The following TTC7B variants were observed in gnomAD, a reference collection of about 807,000 sequenced individuals.
TTC7B encodes tetratricopeptide repeat protein 7B.
Under a neutral mutation model 106.8 loss-of-function variants are expected in TTC7B, and 28 were observed. That is an observed-to-expected ratio of 0.26 (90% CI 0.19 to 0.36). The LOEUF is 0.36. Among genes scored for constraint, TTC7B ranks in the 10% least tolerant of loss-of-function variants. The probability of loss-of-function intolerance (pLI) is 1.00; values close to 1 mark genes in which losing one functional copy is unlikely to be tolerated. For missense variants in TTC7B, 862 were observed against 1,076.4 expected (o/e 0.80, Z 2.79); for synonymous variants, 405 against 430.6 (o/e 0.94, Z 0.74).
chr14:90,710,235 C>T (rs1621872), intron 5 of TTC7B, among the ~76,000 whole-genome samples: 44,029 of 151,990 alleles, frequency 0.29, 6,579 homozygotes, highest in Middle Eastern at 0.38. Flanking sequence ...GAAGTAACTG[C>T]AGGCATGGTG....
intron 18 of TTC7B, among the ~76,000 whole-genome samples, chr14:90,587,771 A>G (rs1891776527): frequency 6.6e-6 from 1 of 152,134 alleles, no homozygotes; most frequent in Non-Finnish European, 1.5e-5. Context: ...GCTGGACGAT[A>G]CTGTGTTGAC....
chr14:90,767,028 C>CAAAAA (rs71301958), intron 3 of TTC7B: 35 of 525,932 alleles, frequency 6.7e-5, no homozygotes, highest in South Asian at 3.4e-4. Context: ...GTTTATATAC[C>CAAAAA]AAAAAAAAAA....
At chr14:90,594,093 T>A (rs1245032727) in intron 17 of TTC7B, among the ~76,000 whole-genome samples, 2 of 152,124 alleles carry the variant, frequency 1.3e-5, no homozygotes, top group Admixed American at 1.3e-4. Context: ...AACTTCCCGT[T>A]TCATTAGTGC....
intron 5 of TTC7B, among the ~76,000 whole-genome samples, chr14:90,715,121 G>A (rs74081297): frequency 6.6e-6 from 1 of 152,174 alleles, no homozygotes; most frequent in Non-Finnish European, 1.5e-5. Flanking sequence ...AAGCTTCCCA[G>A]TAAATAGTTG....
chr14:90,703,875 C>T (rs988758186), intron 5 of TTC7B, among the ~76,000 whole-genome samples: 10 of 152,150 alleles, frequency 6.6e-5, no homozygotes, highest in African/African-American at 2.4e-4. Flanking sequence ...AGGAGTGGGA[C>T]CAGATAACCC....
intron 16 of TTC7B, among the ~76,000 whole-genome samples, chr14:90,611,424 A>G (rs1013274972): frequency 2.6e-5 from 4 of 151,526 alleles, no homozygotes; most frequent in Non-Finnish European, 5.9e-5. Context: ...AGAACCCCTG[A>G]CCCCCTTTTC....
chr14:90,713,647 C>G (rs1412144228), intron 5 of TTC7B, among the ~76,000 whole-genome samples: 1 of 152,042 alleles, frequency 6.6e-6, no homozygotes, highest in Non-Finnish European at 1.5e-5. Context: ...AAAAGTGAAA[C>G]ACAAACTTAC....
At chr14:90,748,672 G>T (rs1223333420) in intron 3 of TTC7B, among the ~76,000 whole-genome samples, 1 of 151,964 alleles carries the variant, frequency 6.6e-6, no homozygotes, top group Non-Finnish European at 1.5e-5. Flanking sequence ...TATAGTATAA[G>T]ACCTTTACAA....
At chr14:90,603,530 C>T (rs1206442591) in intron 17 of TTC7B, among the ~76,000 whole-genome samples, 4 of 152,118 alleles carry the variant, frequency 2.6e-5, no homozygotes, top group Admixed American at 6.5e-5. Context: ...GAAATGTTCA[C>T]CCAGCACATG....
intron 3 of TTC7B, chr14:90,772,626 GAT>G (rs1276208566): frequency 1.3e-5 from 2 of 152,128 alleles, no homozygotes; most frequent in African/African-American, 4.8e-5. Context: ...ATGTTCTTTT[GAT>G]TAGTCATCAT....
intron 19 of TTC7B, among the ~76,000 whole-genome samples, chr14:90,565,159 G>C (rs1450641720): frequency 6.6e-6 from 1 of 152,174 alleles, no homozygotes; most frequent in African/African-American, 2.4e-5. Context: ...ATTAGGCTTT[G>C]GCTTAAGGGA....
chr14:90,623,490 A>G (rs1884300845), intron 15 of TTC7B, among the ~76,000 whole-genome samples: 1 of 152,232 alleles, frequency 6.6e-6, no homozygotes, highest in Admixed American at 6.5e-5. Flanking sequence ...TAAAACTCCA[A>G]AATGTGCAAA....
chr14:90,543,279 A>G (rs1889681023), intron 19 of TTC7B, among the ~76,000 whole-genome samples: 1 of 152,216 alleles, frequency 6.6e-6, no homozygotes, highest in East Asian at 1.9e-4. Flanking sequence ...ACACATGTTC[A>G]ATTCCATTTA....
At chr14:90,612,770 G>A (rs373447039) in intron 16 of TTC7B, among the ~76,000 whole-genome samples, 4 of 152,328 alleles carry the variant, frequency 2.6e-5, no homozygotes, top group South Asian at 4.1e-4. Context: ...CATGCCAGGT[G>A]TGTATAAAAC....
intron 3 of TTC7B, among the ~76,000 whole-genome samples, chr14:90,765,928 G>A (rs1890660210): frequency 6.6e-6 from 1 of 152,150 alleles, no homozygotes; most frequent in Non-Finnish European, 1.5e-5. Context: ...TAAAGGGCCA[G>A]TGCCCTTTCC....
At chr14:90,799,852 C>T (rs979710528) in intron 1 of TTC7B, among the ~76,000 whole-genome samples, 9 of 151,860 alleles carry the variant, frequency 5.9e-5, no homozygotes, top group East Asian at 5.8e-4. Context: ...TTTTTTGAGA[C>T]GGAGTCTCGC....
chr14:90,677,550 G>C (rs1042914505), intron 8 of TTC7B, among the ~76,000 whole-genome samples: 6 of 152,204 alleles, frequency 3.9e-5, no homozygotes, highest in African/African-American at 1.2e-4. Context: ...AATCAACAAA[G>C]TTAGATTTCG....
At position 90,714,429 on chromosome 14, in the gene TTC7B, T is replaced by C. The variant is rs535107970; in HGVS notation, c.698+15646A>G. 2.6e-5 allele frequency among the ~76,000 whole-genome samples: 4 copies of C among 151,634 alleles called. No homozygotes were observed. In the South Asian group the frequency reaches 8.3e-4, roughly 32 times the overall value. ...CTAAAGGGAATGTTCTGAAACTGAA[T>C]TGTGAAGATGATTGCACAGCTGTAT... On this transcript the variant is annotated intron_variant, in intron 5 of 19. Coordinates refer to ENST00000328459, the MANE Select transcript of TTC7B (RefSeq NM_001010854.2).
At chr14:90,806,335 G>A (rs921769839) in intron 1 of TTC7B, among the ~76,000 whole-genome samples, 6 of 152,204 alleles carry the variant, frequency 3.9e-5, no homozygotes, top group African/African-American at 1.4e-4. Flanking sequence ...CTCGTTCTGT[G>A]ACCCAGCCAA....
Sources: gnomAD v4.1 joint callset for allele counts (sites outside exome capture counted in the v4.1 genomes callset) on GRCh38, gnomAD v4.1.1 for gene constraint, MANE v1.5 for transcripts, NCBI Gene and HGNC (gene_info 2026-07-23, HGNC 2026-07-21) for gene names.